ALOX5: variants seen among roughly 807,000 people sequenced by gnomAD.
ALOX5 encodes the protein arachidonate 5-lipoxygenase.
ALOX5 carries 64 observed loss-of-function variants against 87.9 expected under a neutral mutation model. That is an observed-to-expected ratio of 0.73 (90% CI 0.60 to 0.90). The LOEUF (loss-of-function observed/expected upper bound fraction) is 0.90. ALOX5 is among the 40% of genes least tolerant of loss of function. The pLI, the probability that ALOX5 is intolerant of heterozygous loss-of-function variation, is 0.00. For missense variants in ALOX5, 822 were observed against 907.5 expected (o/e 0.91, Z 1.21); for synonymous variants, 388 against 355.1 (o/e 1.09, Z -1.04).
At chr10:45,413,974 T>C (rs974355655) in intron 4 of ALOX5, among the ~76,000 whole-genome samples, 1 of 152,196 alleles carries the variant, frequency 6.6e-6, no homozygotes, top group Admixed American at 6.5e-5. Flanking sequence ...TCCATGCTCA[T>C]GGATAGGAAG....
At chr10:45,436,125 C>T (rs1842055604) in intron 7 of ALOX5, among the ~76,000 whole-genome samples, 1 of 151,830 alleles carries the variant, frequency 6.6e-6, no homozygotes, top group Non-Finnish European at 1.5e-5. Context: ...GGTGTTTTTT[C>T]TTAAGTTCCT....
chr10:45,412,455 C>T lies in ALOX5; in HGVS notation c.554+142C>T, dbSNP rs112595663. 2.7e-5 allele frequency: 31 copies of T among 1,158,448 alleles called. No homozygotes were observed. In the African/African-American group the frequency reaches 3.6e-4, roughly 13 times the overall value. The allele number at this position is 1,158,448 out of a possible 1,614,324, so 71.8% of individuals were successfully genotyped here. On this transcript the variant is annotated intron_variant, in intron 4 of 13. Coordinates refer to ENST00000374391, the MANE Select transcript of ALOX5 (RefSeq NM_000698.5). ...CCAAACGCTTTGATGATATGTTGGCCATAGAGTGGATTCTCAACGCACAAT... is the reference window on the plus strand; with the variant it reads ...CCAAACGCTTTGATGATATGTTGGCTATAGAGTGGATTCTCAACGCACAAT...
At chr10:45,435,606 G>A (rs1015796918) in intron 7 of ALOX5, among the ~76,000 whole-genome samples, 9 of 152,158 alleles carry the variant, frequency 5.9e-5, no homozygotes, top group Admixed American at 1.3e-4. Flanking sequence ...CAAAGAACAC[G>A]ATTTCATTCT....
intron 7 of ALOX5, among the ~76,000 whole-genome samples, chr10:45,439,717 T>C (rs1022732389): frequency 7.2e-5 from 11 of 151,798 alleles, no homozygotes; most frequent in African/African-American, 2.7e-4. Context: ...CATTAAGAGG[T>C]GATTGAGGAG....
intron 3 of ALOX5, among the ~76,000 whole-genome samples, chr10:45,397,448 A>G (rs983130842): frequency 3.9e-5 from 6 of 152,208 alleles, no homozygotes; most frequent in Non-Finnish European, 5.9e-5. Flanking sequence ...ATCCAGAAAC[A>G]GGATAAAGAT....
intron 1 of ALOX5, among the ~76,000 whole-genome samples, chr10:45,376,192 G>A (rs544053516): frequency 2.0e-5 from 3 of 151,866 alleles, no homozygotes; most frequent in Non-Finnish European, 4.4e-5. Context: ...TCCCTCTCTC[G>A]GTCTGTCTTC....
chr10:45,381,492 G>A (rs571082953), intron 1 of ALOX5, among the ~76,000 whole-genome samples: 4 of 152,212 alleles, frequency 2.6e-5, no homozygotes, highest in Non-Finnish European at 4.4e-5. Flanking sequence ...ACTGAGCCTC[G>A]CTGTCTTCAT....
chr10:45,418,024 T>C (rs1841358381), intron 4 of ALOX5, among the ~76,000 whole-genome samples: 1 of 152,214 alleles, frequency 6.6e-6, no homozygotes, highest in Non-Finnish European at 1.5e-5. Flanking sequence ...CCTTGAGTGA[T>C]GGCCTATTGG....
At chr10:45,399,054 C>A (rs1840609486) in intron 3 of ALOX5, among the ~76,000 whole-genome samples, 1 of 152,110 alleles carries the variant, frequency 6.6e-6, no homozygotes, top group African/African-American at 2.4e-5. Flanking sequence ...GTGTACACAA[C>A]CCAAACGTCC....
At chr10:45,375,919 G>A (rs998266931) in intron 1 of ALOX5, among the ~76,000 whole-genome samples, 2 of 152,224 alleles carry the variant, frequency 1.3e-5, no homozygotes, top group African/African-American at 2.4e-5. Flanking sequence ...CATTTCTGAC[G>A]CACCTTCATT....
chr10:45,396,950 TAACAA>T (rs1564421846), intron 3 of ALOX5, among the ~76,000 whole-genome samples: 1 of 151,902 alleles, frequency 6.6e-6, no homozygotes, highest in Non-Finnish European at 1.5e-5. Context: ...ATAGAGTAAA[TAACAA>T]AACAAAACAA....
intron 1 of ALOX5, among the ~76,000 whole-genome samples, chr10:45,377,038 C>A (rs541675095): frequency 6.6e-6 from 1 of 152,258 alleles, no homozygotes; most frequent in South Asian, 2.1e-4. Context: ...CTGAAGATTT[C>A]TGAGAAATCT....
Position 45,374,658 on chromosome 10 carries a change from G to A in ALOX5, c.150+229G>A, listed in dbSNP as rs1470613054. Among the ~76,000 whole-genome samples the A allele has an allele frequency of 2.6e-5, 4 of 151,892 alleles. No individual in the cohort carries two copies. The East Asian group carries it at 7.7e-4, about 29-fold the overall frequency. ...CAAGCGTCCAGGACCCCTCGCGGCGGCCGCGACCCCTGTCGGAAACGGAGA... is the reference window on the plus strand; with the variant it reads ...CAAGCGTCCAGGACCCCTCGCGGCGACCGCGACCCCTGTCGGAAACGGAGA... On this transcript the variant is annotated intron_variant, in intron 1 of 13. Transcript: ENST00000374391.
chr10:45,444,384 G>T, intron 13 of ALOX5, 98 bp downstream of exon 13: 1 of 1,416,618 alleles, frequency 7.1e-7, no homozygotes, highest in Non-Finnish European at 9.3e-7. Flanking sequence ...GGCTCACTTG[G>T]AGCAAAGGAA....
intron 2 of ALOX5, among the ~76,000 whole-genome samples, chr10:45,383,931 C>T (rs565998518): frequency 6.6e-6 from 1 of 152,172 alleles, no homozygotes; most frequent in South Asian, 2.1e-4. Context: ...TCTGAAACTC[C>T]CTCCTGCACA....
chr10:45,424,141 A>G lies in ALOX5; in HGVS notation c.655A>G (p.Ile219Val). The stretch of plus-strand genomic sequence containing the variant: ...AATCTTTGTCAAGATCAGCAACACT[A>G]TTTCTGGTGAGTGTGCCTCTGGGGG... ...EKIFVKISNTISERVMNHWQE... is the reference protein window; with the variant it reads ...EKIFVKISNTVSERVMNHWQE... The change falls in exon 5 of 14, where the codon ATT becomes GTT. Residue 219 changes from isoleucine to valine, a missense_variant. Physicochemically the swap from Ile to Val is conservative, Grantham distance 29. Transcript: ENST00000374391. The G allele has an allele frequency of 6.2e-7, 1 of 1,612,946 alleles. No individual in the cohort carries two copies. Among genetic ancestry groups the G allele is most frequent in the South Asian group, 1.1e-5 (1 of 91,060 alleles).
chr10:45,428,452 T>C (rs781763209), intron 6 of ALOX5, 166 bp from the exon 7 acceptor site: 12 of 834,170 alleles, frequency 1.4e-5, no homozygotes, highest in Non-Finnish European at 2.0e-5. Context: ...ACACCTTCCA[T>C]GTGAATCAAT....
chr10:45,416,463 C>A (rs915924224), intron 4 of ALOX5, among the ~76,000 whole-genome samples: 54 of 152,346 alleles, frequency 3.5e-4, no homozygotes, highest in African/African-American at 1.3e-3. Context: ...CACTTCCCTT[C>A]CCCTACTCTG....
At chr10:45,387,067 G>A (rs564692936) in intron 2 of ALOX5, among the ~76,000 whole-genome samples, 11 of 152,292 alleles carry the variant, frequency 7.2e-5, no homozygotes, top group South Asian at 6.2e-4. Context: ...GCCAGGCGCC[G>A]TGTGGAGGGC....
Sources: gnomAD v4.1 joint callset for allele counts (sites outside exome capture counted in the v4.1 genomes callset) on GRCh38, gnomAD v4.1.1 for gene constraint, MANE v1.5 for transcripts, NCBI Gene and HGNC (gene_info 2026-07-23, HGNC 2026-07-21) for gene names.